The following CALD1 variants were observed in gnomAD, a reference collection of about 807,000 sequenced individuals.
The protein encoded by CALD1 is caldesmon.
Under a neutral mutation model 99.9 loss-of-function variants are expected in CALD1, and 33 were observed. The observed-to-expected ratio is 0.33, with a 90% CI of 0.25 to 0.44. The LOEUF (loss-of-function observed/expected upper bound fraction) is 0.44. CALD1 is among the 20% of genes least tolerant of loss of function. The probability of loss-of-function intolerance (pLI) is 1.00; values close to 1 mark genes in which losing one functional copy is unlikely to be tolerated. For missense variants in CALD1, 861 were observed against 962.1 expected, an observed-to-expected ratio of 0.89 and a Z score of 1.39; for synonymous variants, 310 against 325.0, an observed-to-expected ratio of 0.95 and a Z score of 0.50.
At chr7:134,826,791 A>T (rs1489228320) in intron 1 of CALD1, among the ~76,000 whole-genome samples, 1 of 152,146 alleles carries the variant, frequency 6.6e-6, no homozygotes, top group Non-Finnish European at 1.5e-5. Context: ...AGAAAGAGAT[A>T]AGGTGGTGGG....
intron 3 of CALD1, among the ~76,000 whole-genome samples, chr7:134,907,443 T>G (rs900563347): frequency 6.6e-6 from 1 of 151,994 alleles, no homozygotes; most frequent in African/African-American, 2.4e-5. Flanking sequence ...AAAAGCACAT[T>G]ACAACTCTAT....
At chr7:134,732,550 C>T in the CALD1 span, among the ~76,000 whole-genome samples, 2 of 152,000 alleles carry the variant, frequency 1.3e-5, no homozygotes, top group Non-Finnish European at 2.9e-5. Flanking sequence ...CCTCATCAGA[C>T]ACTGGATCTG....
At chr7:134,895,166 A>G (rs1466240636) in intron 3 of CALD1, among the ~76,000 whole-genome samples, 2 of 152,046 alleles carry the variant, frequency 1.3e-5, no homozygotes. Flanking sequence ...AAGATTCTGC[A>G]GAAATGACAA....
At chr7:134,740,923 A>G (rs1336390892), upstream of CALD1, among the ~76,000 whole-genome samples, 2 of 152,262 alleles carry the variant, frequency 1.3e-5, no homozygotes, top group Non-Finnish European at 2.9e-5. Flanking sequence ...TGCTTTACAC[A>G]TGGATCTTAT....
At chr7:134,799,806 C>T (rs779551903) in intron 1 of CALD1, among the ~76,000 whole-genome samples, 33 of 152,106 alleles carry the variant, frequency 2.2e-4, no homozygotes, top group Non-Finnish European at 3.8e-4. Flanking sequence ...CAAGGTTGTT[C>T]CCCCTTGCAC....
intron 6 of CALD1, among the ~76,000 whole-genome samples, chr7:134,940,714 G>A (rs117145171): frequency 6.6e-6 from 1 of 152,288 alleles, no homozygotes; most frequent in Non-Finnish European, 1.5e-5. Flanking sequence ...TCTAAGCAAC[G>A]TGGTCATTCT....
chr7:134,916,916 AGAC>A (rs1204286400), intron 3 of CALD1, among the ~76,000 whole-genome samples: 1 of 152,240 alleles, frequency 6.6e-6, no homozygotes, highest in Non-Finnish European at 1.5e-5. Flanking sequence ...TTACATTTGA[AGAC>A]GACAGTGGAA....
At chr7:134,796,966 T>C (rs1797766978) in intron 1 of CALD1, among the ~76,000 whole-genome samples, 1 of 152,170 alleles carries the variant, frequency 6.6e-6, no homozygotes, top group African/African-American at 2.4e-5. Context: ...AAAGGGAGGA[T>C]TGAGACAGAC....
At chr7:134,905,748 A>T (rs1803322541) in intron 3 of CALD1, among the ~76,000 whole-genome samples, 2 of 151,988 alleles carry the variant, frequency 1.3e-5, no homozygotes, top group African/African-American at 4.8e-5. Context: ...CAGGGGTCTA[A>T]ATACTGCTTT....
At chr7:134,742,798 T>C (rs190796990), upstream of CALD1, among the ~76,000 whole-genome samples, 15 of 152,326 alleles carry the variant, frequency 9.8e-5, no homozygotes, top group Non-Finnish European at 1.9e-4. Context: ...AACTAACACC[T>C]ACCCTTCTTT....
chr7:134,734,794 GAACTGTGAGTCCATTA>G, the CALD1 span: 1 of 153,156 alleles, frequency 6.5e-6, no homozygotes, highest in East Asian at 1.9e-4. Context: ...CAGCCATGTG[GAACTGTGAGTCCATTA>G]AACCTCTTTC....
intron 1 of CALD1, among the ~76,000 whole-genome samples, chr7:134,757,543 G>T (rs548152128): frequency 1.3e-5 from 2 of 152,018 alleles, no homozygotes; most frequent in Non-Finnish European, 2.9e-5. Context: ...TTCTTATCAG[G>T]GTTTGTCTTA....
intron 1 of CALD1, among the ~76,000 whole-genome samples, chr7:134,784,980 G>C (rs1797250813): frequency 6.6e-6 from 1 of 152,162 alleles, no homozygotes; most frequent in African/African-American, 2.4e-5. Flanking sequence ...CCTTTAGTAG[G>C]AGGAGGACAT....
At chr7:134,884,908 T>C (rs1247712094) in intron 3 of CALD1, among the ~76,000 whole-genome samples, 1 of 152,152 alleles carries the variant, frequency 6.6e-6, no homozygotes, top group African/African-American at 2.4e-5. Flanking sequence ...AGACTGTGTA[T>C]TTGTATTTAT....
intron 1 of CALD1, among the ~76,000 whole-genome samples, chr7:134,770,470 C>A (rs920171227): frequency 1.3e-5 from 2 of 152,140 alleles, no homozygotes; most frequent in African/African-American, 4.8e-5. Flanking sequence ...CGCCTCCCTT[C>A]CAGCTTCTAG....
At position 134,783,301 on chromosome 7, in the gene CALD1, C is replaced by CTGTA. The variant is rs1797179908; in HGVS notation, c.-130+3553_-130+3556dup. On this transcript the variant is annotated intron_variant, in intron 1 of 14. Coordinates refer to ENST00000361675, the MANE Select transcript of CALD1 (RefSeq NM_033138.4). The surrounding 1 kb of genome is among the most constrained non-coding windows in gnomAD (Gnocchi z 4.3). ...AACTTCCTTACCCCCAGGCCTCCAC[C>CTGTA]TGTAACCTCTTCCCCAGCTCCCCCA... Among the ~76,000 whole-genome samples the CTGTA allele has an allele frequency of 6.6e-6, 1 of 152,188 alleles. No homozygotes were observed. Among genetic ancestry groups the CTGTA allele is most frequent in the East Asian group, 1.9e-4 (1 of 5,184 alleles).
the CALD1 span, among the ~76,000 whole-genome samples, chr7:134,719,033 G>T: frequency 6.6e-6 from 1 of 152,164 alleles, no homozygotes; most frequent in African/African-American, 2.4e-5. Flanking sequence ...TTTTGCAAAT[G>T]AAGAAACTGA....
chr7:134,834,605 C>G (rs1043285523), intron 1 of CALD1, among the ~76,000 whole-genome samples: 4 of 152,320 alleles, frequency 2.6e-5, no homozygotes, highest in Middle Eastern at 6.8e-3. Context: ...ACTTGTCTTA[C>G]TGACCTCCAG....
At chr7:134,727,706 T>C in the CALD1 span, among the ~76,000 whole-genome samples, 1 of 152,212 alleles carries the variant, frequency 6.6e-6, no homozygotes, top group South Asian at 2.1e-4. Context: ...TGAATCTCAT[T>C]GGGTTTTTTG....
Sources: gnomAD v4.1 joint callset for allele counts (sites outside exome capture counted in the v4.1 genomes callset) on GRCh38, gnomAD v4.1.1 for gene constraint, Gnocchi (gnomAD v3.1) non-coding constraint, MANE v1.5 for transcripts, NCBI Gene and HGNC (gene_info 2026-07-23, HGNC 2026-07-21) for gene names.